Variants in PROS1 observed in about 807,000 individuals in gnomAD.
PROS1 encodes protein S, also known as vitamin K-dependent protein S.
Under a neutral mutation model 75.9 loss-of-function variants are expected in PROS1, and 29 were observed. The observed-to-expected ratio is 0.38, with a 90% CI of 0.28 to 0.52. The LOEUF (loss-of-function observed/expected upper bound fraction) is 0.52. Ranked by LOEUF, PROS1 falls within the 20% of genes least tolerant of loss-of-function variation. PROS1 has a pLI of 0.83. For synonymous variants in PROS1, 245 were observed against 280.6 expected (o/e 0.87, Z 1.27); for missense variants, 680 against 810.3 (o/e 0.84, Z 1.95).
At chr3:93,970,959 G>A (rs1244816062) in intron 1 of PROS1, among the ~76,000 whole-genome samples, 1 of 152,028 alleles carries the variant, frequency 6.6e-6, no homozygotes, top group African/African-American at 2.4e-5. Context: ...AATAGTGCCT[G>A]TGAATAGCCA....
At chr3:93,940,555 T>G (rs566225446) in intron 1 of PROS1, among the ~76,000 whole-genome samples, 115 of 152,196 alleles carry the variant, frequency 7.6e-4, no homozygotes, top group African/African-American at 2.7e-3. Flanking sequence ...ATCCCCACCT[T>G]CCCAGCTCCC....
At chr3:93,935,137 T>C (rs1436555557) in intron 1 of PROS1, among the ~76,000 whole-genome samples, 2 of 152,196 alleles carry the variant, frequency 1.3e-5, no homozygotes, top group Non-Finnish European at 2.9e-5. Context: ...TGGTCAGTGA[T>C]CAATGAAGAT....
At chr3:93,935,788 T>G (rs1171893322) in intron 1 of PROS1, among the ~76,000 whole-genome samples, 3 of 151,856 alleles carry the variant, frequency 2.0e-5, no homozygotes, top group Non-Finnish European at 4.4e-5. Context: ...GAACCCTCTG[T>G]CAAATAACCA....
intron 14 of PROS1, among the ~76,000 whole-genome samples, chr3:93,876,107 G>A (rs369534621): frequency 7.2e-5 from 11 of 152,046 alleles, no homozygotes; most frequent in Non-Finnish European, 1.2e-4. Flanking sequence ...ACATATCTCC[G>A]ATCTATTTAC....
At chr3:93,937,009 C>T (rs1254030642) in intron 1 of PROS1, among the ~76,000 whole-genome samples, 1 of 152,098 alleles carries the variant, frequency 6.6e-6, no homozygotes, top group South Asian at 2.1e-4. Context: ...CTGATGAGAA[C>T]CTGTTGGTGA....
intron 3 of PROS1, 171 bp from the exon 4 acceptor site, chr3:93,910,876 A>G: frequency 1.6e-6 from 1 of 629,486 alleles, no homozygotes; most frequent in Non-Finnish European, 2.9e-6. Flanking sequence ...AAAAATTAAA[A>G]ATCTACAAGC....
intron 10 of PROS1, among the ~76,000 whole-genome samples, chr3:93,888,481 T>C (rs1434631372): frequency 6.6e-6 from 1 of 152,204 alleles, no homozygotes; most frequent in Non-Finnish European, 1.5e-5. Context: ...TATGTGAAGG[T>C]AGTTTATATT....
At chr3:93,965,445 G>A (rs556220728) in intron 1 of PROS1, among the ~76,000 whole-genome samples, 7 of 152,228 alleles carry the variant, frequency 4.6e-5, no homozygotes, top group African/African-American at 1.7e-4. Flanking sequence ...TGTCCTAATC[G>A]AGCTGAACAC....
chr3:93,906,924 C>T (rs1471953372), intron 4 of PROS1, among the ~76,000 whole-genome samples: 1 of 152,212 alleles, frequency 6.6e-6, no homozygotes, highest in Non-Finnish European at 1.5e-5. Flanking sequence ...TCTTTGGGCT[C>T]CAACAAGCAT....
chr3:93,958,572 G>A (rs757754460), intron 1 of PROS1: 5 of 152,148 alleles, frequency 3.3e-5, no homozygotes, highest in Admixed American at 6.5e-5. Flanking sequence ...TTGGCTCTGT[G>A]TCCCCATCCA....
At chr3:93,950,293 G>A (rs1709475289) in intron 1 of PROS1, among the ~76,000 whole-genome samples, 1 of 152,278 alleles carries the variant, frequency 6.6e-6, no homozygotes, top group South Asian at 2.1e-4. Flanking sequence ...AGAAACTTCT[G>A]CATACTTAAG....
In PROS1 at chr3:93,973,683, C is replaced by T; in HGVS notation, c.67G>A (p.Glu23Lys). 1 of 1,613,932 alleles carries T rather than the reference C, an allele frequency of 6.2e-7. No homozygotes were observed. Among genetic ancestry groups the T allele is most frequent in the Non-Finnish European group, 8.5e-7 (1 of 1,179,894 alleles). ...ACLLLVLPVS[E>K]ANFLSKQQAS... is the part of the protein sequence containing the mutation. ...GCTATTGATTACTCACAGTTTGCCTCTGAGACGGGAAGCACTAGGAGGAGA... is the reference window on the plus strand; with the variant it reads ...GCTATTGATTACTCACAGTTTGCCTTTGAGACGGGAAGCACTAGGAGGAGA... Residue 23 changes from glutamate to lysine, a missense_variant, in exon 1 of 15, where the codon GAG (glutamate) becomes AAG (lysine). By Grantham distance (56) the Glu-to-Lys change is moderately conservative. Transcript: ENST00000394236.
chr3:93,917,826 G>A (rs554398641), intron 3 of PROS1, among the ~76,000 whole-genome samples: 1 of 152,272 alleles, frequency 6.6e-6, no homozygotes, highest in South Asian at 2.1e-4. Flanking sequence ...CTCCCTGCAG[G>A]GCAGGGTTCG....
chr3:93,892,067 C>G (rs1416145402), intron 10 of PROS1, among the ~76,000 whole-genome samples: 1 of 151,930 alleles, frequency 6.6e-6, no homozygotes, highest in Non-Finnish European at 1.5e-5. Flanking sequence ...TGGTTGCTCA[C>G]TCTTGTAATC....
chr3:93,898,116 A>AT (rs977673104), intron 8 of PROS1, among the ~76,000 whole-genome samples: 7 of 151,806 alleles, frequency 4.6e-5, no homozygotes, highest in Admixed American at 2.6e-4. Context: ...TCTATGAGAG[A>AT]TTTTTTTTCA....
At chr3:93,897,929 T>G (rs1305691764) in intron 8 of PROS1, among the ~76,000 whole-genome samples, 1 of 152,096 alleles carries the variant, frequency 6.6e-6, no homozygotes, top group Non-Finnish European at 1.5e-5. Context: ...CTCTGAATTA[T>G]GATATACTTA....
chr3:93,882,956 G>A (rs1275890407), intron 12 of PROS1, among the ~76,000 whole-genome samples: 1 of 152,112 alleles, frequency 6.6e-6, no homozygotes, highest in Admixed American at 6.6e-5. Flanking sequence ...TGCAACTACA[G>A]ATTAGGAAGA....
At chr3:93,933,940 C>T (rs1328552726) in intron 1 of PROS1, among the ~76,000 whole-genome samples, 9 of 146,534 alleles carry the variant, frequency 6.1e-5, no homozygotes, top group African/African-American at 1.5e-4. Context: ...ACCCAGGAGG[C>T]GGAGGGTGCA....
intron 1 of PROS1, among the ~76,000 whole-genome samples, chr3:93,932,342 C>A (rs916979939): frequency 9.2e-5 from 14 of 152,306 alleles, no homozygotes; most frequent in South Asian, 4.1e-4. Flanking sequence ...AACCAGCATC[C>A]AAACCCTGTC....
Sources: gnomAD v4.1 joint callset for allele counts (sites outside exome capture counted in the v4.1 genomes callset) on GRCh38, gnomAD v4.1.1 for gene constraint, MANE v1.5 for transcripts, NCBI Gene and HGNC (gene_info 2026-07-23, HGNC 2026-07-21) for gene names.